DAB1: variants seen among roughly 807,000 people sequenced by gnomAD.
DAB1 encodes DAB adaptor protein 1, also known as disabled homolog 1.
Under a neutral mutation model 64.6 loss-of-function variants are expected in DAB1, and 15 were observed. The observed-to-expected ratio is 0.23, with a 90% CI of 0.16 to 0.36. DAB1 has a LOEUF of 0.36. Ranked by LOEUF, DAB1 falls within the 10% of genes least tolerant of loss-of-function variation. The probability of loss-of-function intolerance (pLI) is 1.00; values close to 1 mark genes in which losing one functional copy is unlikely to be tolerated. For synonymous variants in DAB1, 235 were observed against 251.9 expected (o/e 0.93, Z 0.64); for missense variants, 596 against 706.7 (o/e 0.84, Z 1.78).
At chr1:58,317,678 A>G (rs777355609) in intron 4 of DAB1, among the ~76,000 whole-genome samples, 1 of 152,238 alleles carries the variant, frequency 6.6e-6, no homozygotes, top group Non-Finnish European at 1.5e-5. Flanking sequence ...CTGAACCTCC[A>G]GATAAGAGCC....
intron 2 of DAB1, among the ~76,000 whole-genome samples, chr1:57,150,624 T>A (rs1021199329): frequency 6.6e-6 from 1 of 152,150 alleles, no homozygotes; most frequent in African/African-American, 2.4e-5. Flanking sequence ...GCAATGTGTT[T>A]TCCTAAGGGG....
chr1:57,263,604 G>T (rs1670365947), intron 2 of DAB1, among the ~76,000 whole-genome samples: 2 of 152,172 alleles, frequency 1.3e-5, no homozygotes, highest in Admixed American at 6.5e-5. Flanking sequence ...AGCAGTAAAG[G>T]ATTAGGATGC....
chr1:57,071,587 T>C lies in DAB1; in HGVS notation c.493A>G (p.Lys165Glu), dbSNP rs1458461841. 1 of 1,613,892 alleles carries C rather than the reference T, an allele frequency of 6.2e-7. No homozygotes were observed. The highest frequency in any genetic ancestry group is 2.2e-5 in the East Asian group (1 of 44,858). Residue 165 changes from lysine to glutamate, a missense_variant, in exon 6 of 15, where the codon AAG (lysine) becomes GAG (glutamate). Transcript: ENST00000371236. Reference protein sequence around the residue: ...RDLFQLIYELKQREELEKKAQ... With the variant: ...RDLFQLIYELEQREELEKKAQ... ...TTTTTTTCTAATTCTTCTCTTTGCT[T>C]CAATTCATAAATGAGTTGAAAGAGA...
At chr1:58,071,263 T>C (rs766472039) in intron 5 of DAB1, among the ~76,000 whole-genome samples, 16 of 152,270 alleles carry the variant, frequency 1.1e-4, no homozygotes, top group Admixed American at 4.6e-4. Flanking sequence ...GATTCTCTGA[T>C]GTGATCTGTA....
chr1:57,256,014 A>G (rs1669729754), intron 2 of DAB1, among the ~76,000 whole-genome samples: 1 of 152,202 alleles, frequency 6.6e-6, no homozygotes, highest in Admixed American at 6.5e-5. Flanking sequence ...TTCCACAAAA[A>G]TCAAGGAACC....
intron 7 of DAB1, among the ~76,000 whole-genome samples, chr1:57,631,937 T>C (rs1464793574): frequency 4.6e-5 from 7 of 152,128 alleles, no homozygotes; most frequent in African/African-American, 1.7e-4. Context: ...AGATGGTAAT[T>C]GGGTATTAGC....
At chr1:57,169,804 A>G (rs1661557497) in intron 2 of DAB1, among the ~76,000 whole-genome samples, 1 of 151,964 alleles carries the variant, frequency 6.6e-6, no homozygotes, top group African/African-American at 2.4e-5. Flanking sequence ...GTTTCCTCTT[A>G]GTAATTTTCT....
intron 12 of DAB1, 99 bp downstream of exon 12, chr1:57,014,784 T>A (rs1181627822): frequency 2.4e-5 from 23 of 940,864 alleles, no homozygotes; most frequent in Non-Finnish European, 3.4e-5. Context: ...GAAGCCTGAT[T>A]AATGCAAGTG....
intron 3 of DAB1, among the ~76,000 whole-genome samples, chr1:58,372,628 A>T (rs1235548240): frequency 6.6e-6 from 1 of 152,190 alleles, no homozygotes; most frequent in Non-Finnish European, 1.5e-5. Context: ...CTATCTCTCC[A>T]CCCAAAGCTC....
At chr1:57,262,008 G>A (rs1353060380) in intron 2 of DAB1, among the ~76,000 whole-genome samples, 2 of 152,140 alleles carry the variant, frequency 1.3e-5, no homozygotes, top group East Asian at 1.9e-4. Flanking sequence ...GGAGTTTACC[G>A]GTTGGAGGAG....
In DAB1 at chr1:58,536,399, A is replaced by C. The variant is rs556512357; in HGVS notation, n.33-9064T>G. On this transcript the variant is annotated intron_variant and non_coding_transcript_variant, in intron 1 of 20. Transcript: ENST00000485760. ...GAGGCCTTCGGGAAAAAAAAATGCT[A>C]ATTTCATATCAAAGACTAAAATTAA... 4 of 635,840 alleles carry C rather than the reference A, an allele frequency of 6.3e-6. No individual in the cohort carries two copies. In the East Asian group the frequency reaches 8.2e-5, roughly 13 times the overall value. 39.4% of individuals were successfully genotyped at this position (635,840 alleles called of 1,614,324 possible). A position where few individuals can be genotyped will look rare whatever the true frequency, so the allele number is the denominator to read the frequency against.
chr1:57,955,444 G>T (rs1645369936), intron 5 of DAB1, among the ~76,000 whole-genome samples: 1 of 152,160 alleles, frequency 6.6e-6, no homozygotes, highest in Non-Finnish European at 1.5e-5. Context: ...AGCAGAGAAA[G>T]ACCCTTATAT....
At chr1:57,317,280 G>C (rs1374271873) in intron 1 of DAB1, among the ~76,000 whole-genome samples, 1 of 152,212 alleles carries the variant, frequency 6.6e-6, no homozygotes, top group Non-Finnish European at 1.5e-5. Context: ...GACGGGAGCA[G>C]CTCTGGCCAA....
In DAB1 at chr1:57,519,481, C is replaced by G. The variant is rs544517523; in HGVS notation, n.625+130111G>C. On this transcript the variant is annotated intron_variant and non_coding_transcript_variant, in intron 7 of 20. Transcript: ENST00000485760. ...ATCCTTCCAGGTGAGTATCTTGACC[C>G]CTATTTGCGGGTGACAAAACTCAGA... Among the ~76,000 whole-genome samples, 11 of 152,250 alleles carry G rather than the reference C, an allele frequency of 7.2e-5. No individual in the cohort carries two copies. In the East Asian group the frequency reaches 2.1e-3, roughly 29 times the overall value.
At chr1:57,144,004 C>T (rs1658864432) in intron 3 of DAB1, among the ~76,000 whole-genome samples, 1 of 151,544 alleles carries the variant, frequency 6.6e-6, no homozygotes, top group Non-Finnish European at 1.5e-5. Context: ...AGACAGGAAA[C>T]TGTATAAATT....
Position 58,084,991 on chromosome 1 carries a change from G to A in DAB1, n.387+65520C>T, listed in dbSNP as rs541387674. On this transcript the variant is annotated intron_variant and non_coding_transcript_variant, in intron 5 of 20. Coordinates refer to the DAB1 transcript ENST00000485760. Reference sequence around the variant, plus strand: ...CATAGGTGCATTTTGTTACATGACTGTGAAATTGTCTTTGAAAGCAGATGG... The same window carrying A: ...CATAGGTGCATTTTGTTACATGACTATGAAATTGTCTTTGAAAGCAGATGG... Among the ~76,000 whole-genome samples the A allele has an allele frequency of 1.2e-3, 176 of 152,276 alleles. 1 individual carries two copies. The highest frequency in any genetic ancestry group is 0.01 in the Middle Eastern group (3 of 294).
At chr1:57,011,318 C>T (rs1490154223) in intron 12 of DAB1, 46 bp from the exon 13 acceptor site, 1 of 1,597,646 alleles carries the variant, frequency 6.3e-7, no homozygotes, top group Non-Finnish European at 8.5e-7. Context: ...TGCCTGGCTG[C>T]CATGAATGTA....
chr1:57,711,467 T>A (rs1411187639), intron 6 of DAB1, among the ~76,000 whole-genome samples: 2 of 152,206 alleles, frequency 1.3e-5, no homozygotes, highest in African/African-American at 4.8e-5. Context: ...GTGGTGGGGA[T>A]AGCAGTTGGC....
rs536405567 is a variant in DAB1 at position 57,902,338 on chromosome 1, G to A, written n.388-18176C>T. On this transcript the variant is annotated intron_variant and non_coding_transcript_variant, in intron 5 of 20. Transcript: ENST00000485760. ...TCTGAAACTACTGGAGAATAACTTG[G>A]CAATATCGTTATCTTGTTTACCCCC... Among the ~76,000 whole-genome samples the A allele has an allele frequency of 2.0e-3, 297 of 151,750 alleles. 1 individual carries two copies. Among genetic ancestry groups the A allele is most frequent in the South Asian group, 0.018 (88 of 4,800 alleles).
Sources: allele counts gnomAD v4.1 joint callset (sites outside exome capture counted in the v4.1 genomes callset), GRCh38; gene constraint gnomAD v4.1.1; transcripts MANE v1.5; gene names NCBI Gene and HGNC (gene_info 2026-07-23, HGNC 2026-07-21).